The following KIAA1217 variants were observed in gnomAD, a reference collection of about 807,000 sequenced individuals.
KIAA1217 encodes the protein sickle tail protein homolog.
A neutral mutation model predicts 163.9 loss-of-function variants in KIAA1217; 88 were observed. The ratio of observed to expected loss-of-function variants is 0.54; its 90% CI spans 0.45 to 0.64. The LOEUF (loss-of-function observed/expected upper bound fraction) is 0.64, where lower values mean the gene tolerates loss of function less well. KIAA1217 is among the 30% of genes least tolerant of loss of function. The pLI is 0.00. For synonymous variants in KIAA1217, 903 were observed against 923.1 expected (o/e 0.98, Z 0.39); for missense variants, 2,372 against 2,475.0 (o/e 0.96, Z 0.88).
chr10:24,542,440 T>C (rs1414663081), intron 17 of KIAA1217: 2 of 1,151,948 alleles, frequency 1.7e-6, no homozygotes, highest in East Asian at 5.6e-5. Context: ...TCTTCACCAC[T>C]CCCCTACAAA....
intron 3 of KIAA1217, among the ~76,000 whole-genome samples, chr10:24,415,547 T>C (rs1458845559): frequency 6.6e-6 from 1 of 152,034 alleles, no homozygotes; most frequent in African/African-American, 2.4e-5. Flanking sequence ...AGATAAGCCT[T>C]ACAAACACAT....
chr10:23,894,432 A>T (rs1165667372), intron 1 of KIAA1217, among the ~76,000 whole-genome samples: 2,762 of 147,608 alleles, frequency 0.019, 93 homozygotes, highest in African/African-American at 0.062. Flanking sequence ...CCAACTTACA[A>T]GGGATGTGAA....
chr10:24,182,602 G>A (rs1314315618), intron 2 of KIAA1217, among the ~76,000 whole-genome samples: 1 of 152,088 alleles, frequency 6.6e-6, no homozygotes, highest in Non-Finnish European at 1.5e-5. Context: ...TTTGGTTGGG[G>A]GTAAGCTAAG....
intron 1 of KIAA1217, among the ~76,000 whole-genome samples, chr10:23,861,800 G>A (rs893586322): frequency 6.6e-6 from 1 of 152,084 alleles, no homozygotes; most frequent in Non-Finnish European, 1.5e-5. Context: ...TATGAACCTG[G>A]AAATGGATTC....
At chr10:24,338,525 C>T (rs558375317) in intron 2 of KIAA1217, among the ~76,000 whole-genome samples, 88 of 152,330 alleles carry the variant, frequency 5.8e-4, no homozygotes, top group African/African-American at 1.9e-3. Flanking sequence ...TTCATGCATT[C>T]AAGCTGGACT....
intron 1 of KIAA1217, among the ~76,000 whole-genome samples, chr10:23,852,952 C>A (rs1445149150): frequency 6.6e-6 from 1 of 152,104 alleles, no homozygotes; most frequent in Non-Finnish European, 1.5e-5. Flanking sequence ...AAGCATGTCA[C>A]CTGCAAACAG....
chr10:24,278,497 C>T (rs1201467422), intron 2 of KIAA1217, among the ~76,000 whole-genome samples: 1 of 152,154 alleles, frequency 6.6e-6, no homozygotes, highest in Non-Finnish European at 1.5e-5. Flanking sequence ...GATAATCTAT[C>T]GAAAGCATGT....
At chr10:24,186,467 C>G (rs1300383786) in intron 2 of KIAA1217, among the ~76,000 whole-genome samples, 1 of 152,156 alleles carries the variant, frequency 6.6e-6, no homozygotes, top group African/African-American at 2.4e-5. Flanking sequence ...CAACTCATGT[C>G]CTTTATTTCA....
At chr10:24,228,156 G>T (rs1022140433) in intron 2 of KIAA1217, among the ~76,000 whole-genome samples, 1 of 151,964 alleles carries the variant, frequency 6.6e-6, no homozygotes, top group African/African-American at 2.4e-5. Flanking sequence ...GTGCCAGTTG[G>T]GGGGCTGAGG....
intron 2 of KIAA1217, among the ~76,000 whole-genome samples, chr10:24,324,999 A>G (rs982543571): frequency 6.6e-6 from 1 of 152,212 alleles, no homozygotes; most frequent in Non-Finnish European, 1.5e-5. Flanking sequence ...AGGAGTTGAA[A>G]AAAAGTGTAA....
intron 5 of KIAA1217, among the ~76,000 whole-genome samples, chr10:24,465,736 G>C (rs888909213): frequency 1.3e-5 from 2 of 152,166 alleles, no homozygotes; most frequent in Non-Finnish European, 2.9e-5. Flanking sequence ...AAGTCACTTC[G>C]TGTTGTGGAC....
At chr10:24,426,783 A>C (rs1255394938) in intron 3 of KIAA1217, among the ~76,000 whole-genome samples, 1 of 152,194 alleles carries the variant, frequency 6.6e-6, no homozygotes, top group African/African-American at 2.4e-5. Context: ...AGGTGGTGAG[A>C]AGTGCGTGGC....
chr10:23,934,625 A>ATATTTTTTTTTTTT (rs1554826424), intron 1 of KIAA1217, among the ~76,000 whole-genome samples: 1 of 68,570 alleles, frequency 1.5e-5, no homozygotes, highest in Admixed American at 1.6e-4. Context: ...ATATATATAT[A>ATATTTTTTTTTTTT]TTTTTTTTTT....
chr10:23,769,964 A>G (rs1213913355), intron 1 of KIAA1217, among the ~76,000 whole-genome samples: 1 of 152,190 alleles, frequency 6.6e-6, no homozygotes, highest in Admixed American at 6.5e-5. Context: ...TTCCCTTTTA[A>G]CTCATAATTA....
chr10:24,026,422 T>C (rs1252282756), intron 2 of KIAA1217, among the ~76,000 whole-genome samples: 2 of 151,964 alleles, frequency 1.3e-5, no homozygotes, highest in Non-Finnish European at 1.5e-5. Flanking sequence ...GGTTAGATTT[T>C]TAATCAACTA....
chr10:23,815,619 G>A (rs983343544), intron 1 of KIAA1217, among the ~76,000 whole-genome samples: 1 of 152,080 alleles, frequency 6.6e-6, no homozygotes, highest in Non-Finnish European at 1.5e-5. Flanking sequence ...ACTCCAGCCT[G>A]GGCGACAGAG....
At chr10:24,153,624 G>A (rs1564763364) in intron 2 of KIAA1217, among the ~76,000 whole-genome samples, 2 of 152,272 alleles carry the variant, frequency 1.3e-5, no homozygotes, top group African/African-American at 2.4e-5. Context: ...CCACTGACCT[G>A]TATATTGTTC....
At chr10:23,806,971 C>CTA (rs1285167744) in intron 1 of KIAA1217, among the ~76,000 whole-genome samples, 9 of 152,192 alleles carry the variant, frequency 5.9e-5, no homozygotes, top group Admixed American at 3.9e-4. Flanking sequence ...GCAGAGTGAA[C>CTA]TATATTTCCT....
At chr10:24,025,923 T>C (rs2131525195) in intron 2 of KIAA1217, among the ~76,000 whole-genome samples, 1 of 151,998 alleles carries the variant, frequency 6.6e-6, no homozygotes, top group Middle Eastern at 3.4e-3. Context: ...TTTGGATTTT[T>C]CTACATAGAC....
Sources: gnomAD v4.1 joint callset for allele counts (sites outside exome capture counted in the v4.1 genomes callset) on GRCh38, gnomAD v4.1.1 for gene constraint, MANE v1.5 for transcripts, NCBI Gene and HGNC (gene_info 2026-07-23, HGNC 2026-07-21) for gene names.